Variants in KHDRBS2 observed in about 807,000 individuals in gnomAD.
KHDRBS2 encodes the protein KH domain-containing, RNA-binding, signal transduction-associated protein 2.
Under a neutral mutation model 44.3 loss-of-function variants are expected in KHDRBS2, and 26 were observed. The ratio of observed to expected loss-of-function variants is 0.59; its 90% CI spans 0.43 to 0.81. The LOEUF is 0.81. KHDRBS2 is among the 40% of genes least tolerant of loss of function. The pLI is 0.00. For missense variants in KHDRBS2, 476 were observed against 433.1 expected (o/e 1.10, Z -0.88); for synonymous variants, 194 against 151.1 (o/e 1.28, Z -2.08).
At chr6:61,678,205 T>C (rs565713680), downstream of KHDRBS2, among the ~76,000 whole-genome samples, 4 of 152,036 alleles carry the variant, frequency 2.6e-5, no homozygotes, top group South Asian at 8.3e-4. Flanking sequence ...TCACACTAAG[T>C]CATTTCAGTT....
chr6:62,012,026 C>G (rs1371838977), intron 3 of KHDRBS2, among the ~76,000 whole-genome samples: 1 of 152,128 alleles, frequency 6.6e-6, no homozygotes, highest in African/African-American at 2.4e-5. Flanking sequence ...TGACATCTTA[C>G]AAATGTTTCT....
chr6:61,894,859 T>C, intron 5 of KHDRBS2, 26 bp from the exon 6 acceptor site: 1 of 1,553,806 alleles, frequency 6.4e-7, no homozygotes. Flanking sequence ...CATGTATAGA[T>C]GAGAAACAGG....
chr6:61,946,789 A>G (rs532759550), intron 4 of KHDRBS2, among the ~76,000 whole-genome samples: 2 of 152,146 alleles, frequency 1.3e-5, no homozygotes, highest in Admixed American at 1.3e-4. Flanking sequence ...AAGGATGTTG[A>G]TCTGAAGCAA....
chr6:62,207,718 C>A (rs899547860), intron 1 of KHDRBS2, among the ~76,000 whole-genome samples: 25 of 152,118 alleles, frequency 1.6e-4, no homozygotes, highest in African/African-American at 5.8e-4. Flanking sequence ...AACCTAATGT[C>A]ATCTCTATAT....
intron 6 of KHDRBS2, among the ~76,000 whole-genome samples, chr6:61,883,833 G>A (rs1800542982): frequency 6.6e-6 from 1 of 151,946 alleles, no homozygotes; most frequent in Admixed American, 6.6e-5. Context: ...TGGTAAATTA[G>A]TCTCTAAAAA....
At chr6:61,768,245 C>A (rs1009946793) in intron 6 of KHDRBS2, among the ~76,000 whole-genome samples, 3 of 152,042 alleles carry the variant, frequency 2.0e-5, no homozygotes, top group Non-Finnish European at 4.4e-5. Flanking sequence ...AGATCCTTTG[C>A]ATGTTGTGTC....
rs140438819 is a variant in KHDRBS2, at chr6:62,204,371, T to A, written c.92-27059A>T. On this transcript the variant is annotated intron_variant, in intron 1 of 8. Transcript: ENST00000281156. The stretch of plus-strand genomic sequence containing the variant: ...ATGAAATCCATGGAAAGTAGCTTTA[T>A]GCAATGAGGTAAACTGGATATTACA... Among the ~76,000 whole-genome samples, 7 of 152,308 alleles carry A rather than the reference T, an allele frequency of 4.6e-5. No homozygotes were observed. In the South Asian group the frequency reaches 1.5e-3, roughly 32 times the overall value.
chr6:61,877,316 A>C (rs1799562372), intron 6 of KHDRBS2, among the ~76,000 whole-genome samples: 2 of 152,036 alleles, frequency 1.3e-5, no homozygotes, highest in Non-Finnish European at 2.9e-5. Context: ...CATTAGAAAA[A>C]AGATAATTAC....
chr6:61,702,370 C>T (rs1768823794), intron 7 of KHDRBS2, among the ~76,000 whole-genome samples: 1 of 151,890 alleles, frequency 6.6e-6, no homozygotes, highest in African/African-American at 2.4e-5. Flanking sequence ...GTGAATGATG[C>T]CATGGAGCAG....
chr6:61,776,508 A>G (rs1782034104), intron 6 of KHDRBS2, among the ~76,000 whole-genome samples: 1 of 152,264 alleles, frequency 6.6e-6, no homozygotes, highest in African/African-American at 2.4e-5. Flanking sequence ...AAAAGAAGAC[A>G]TTTATGCAGC....
the KHDRBS2 span, among the ~76,000 whole-genome samples, chr6:61,665,034 A>C: frequency 6.6e-6 from 1 of 151,726 alleles, no homozygotes; most frequent in Non-Finnish European, 1.5e-5. Flanking sequence ...TAGCTAATAT[A>C]ATTCATGCTC....
intron 6 of KHDRBS2, among the ~76,000 whole-genome samples, chr6:61,772,000 G>GA (rs1781001564): frequency 6.6e-6 from 1 of 152,096 alleles, no homozygotes. Context: ...TCAGACCACA[G>GA]TGCAATCAAA....
intron 6 of KHDRBS2, among the ~76,000 whole-genome samples, chr6:61,888,206 C>T (rs1801256860): frequency 6.6e-6 from 1 of 152,198 alleles, no homozygotes; most frequent in South Asian, 2.1e-4. Context: ...AACTTCTCCC[C>T]TCCTCTACCT....
chr6:61,705,240 TC>T (rs1396072118), intron 7 of KHDRBS2, among the ~76,000 whole-genome samples: 1 of 151,840 alleles, frequency 6.6e-6, no homozygotes, highest in Admixed American at 6.6e-5. Context: ...TTTTACTCTT[TC>T]CGACTCCCTA....
intron 6 of KHDRBS2, among the ~76,000 whole-genome samples, chr6:61,820,377 G>T (rs910711829): frequency 3.3e-5 from 5 of 151,896 alleles, no homozygotes; most frequent in African/African-American, 4.8e-5. Context: ...AGAAAATAGA[G>T]AAACATAGAA....
At chr6:62,061,352 C>A (rs1791814691) in intron 2 of KHDRBS2, among the ~76,000 whole-genome samples, 1 of 151,402 alleles carries the variant, frequency 6.6e-6, no homozygotes, top group South Asian at 2.1e-4. Flanking sequence ...TTCAGGAGCT[C>A]TTTTAGGGCA....
intron 4 of KHDRBS2, among the ~76,000 whole-genome samples, chr6:61,919,261 T>C (rs1042692291): frequency 6.6e-6 from 1 of 151,938 alleles, no homozygotes; most frequent in African/African-American, 2.4e-5. Flanking sequence ...TGATTGCATA[T>C]GTGAGTACAA....
chr6:62,023,887 G>C (rs746298133), intron 3 of KHDRBS2, among the ~76,000 whole-genome samples: 3 of 150,686 alleles, frequency 2.0e-5, no homozygotes, highest in Non-Finnish European at 4.5e-5. Flanking sequence ...AAAGCAAGAG[G>C]CTTTTTTCAC....
intron 1 of KHDRBS2, among the ~76,000 whole-genome samples, chr6:62,209,359 T>C (rs1166316560): frequency 6.6e-6 from 1 of 152,168 alleles, no homozygotes; most frequent in Non-Finnish European, 1.5e-5. Flanking sequence ...AGGCAGAACA[T>C]ATTTTGTTAA....
Sources: allele counts gnomAD v4.1 joint callset (sites outside exome capture counted in the v4.1 genomes callset), GRCh38; gene constraint gnomAD v4.1.1; transcripts MANE v1.5; gene names NCBI Gene and HGNC (gene_info 2026-07-23, HGNC 2026-07-21).